The following GRM3 variants were observed in gnomAD, a reference collection of about 807,000 sequenced individuals.
GRM3 encodes the protein glutamate metabotropic receptor 3.
GRM3 carries 26 observed loss-of-function variants against 70.5 expected under a neutral mutation model. That is an observed-to-expected ratio of 0.37 (90% CI 0.27 to 0.51). GRM3 has a LOEUF of 0.51. Among genes scored for constraint, GRM3 ranks in the 20% least tolerant of loss-of-function variants. GRM3 has a pLI of 0.93. For missense variants in GRM3, 859 were observed against 1,123.8 expected (o/e 0.76, Z 3.37); for synonymous variants, 443 against 434.9 (o/e 1.02, Z -0.23).
chr7:86,815,615 G>A (rs17161018), intron 3 of GRM3, among the ~76,000 whole-genome samples: 11,658 of 151,774 alleles, frequency 0.077, 634 homozygotes, highest in Non-Finnish European at 0.12. Context: ...AAAGCACTTC[G>A]AAATTAGTCA....
At chr7:86,715,666 A>G (rs907592683) in intron 1 of GRM3, among the ~76,000 whole-genome samples, 2 of 152,102 alleles carry the variant, frequency 1.3e-5, no homozygotes, top group African/African-American at 4.8e-5. Context: ...TAGATAGTGG[A>G]CTCTAAAGAT....
In GRM3 at chr7:86,787,257, T is replaced by C. The variant is rs1584243792; in HGVS notation, c.1324+141T>C. On this transcript the variant is annotated intron_variant, in intron 3 of 5. Transcript: ENST00000361669. ...AAACTGTTAACCAAATATTCCAGGATGCAATAGGATGGTTCTCTAACATTC... is the reference window on the plus strand; with the variant it reads ...AAACTGTTAACCAAATATTCCAGGACGCAATAGGATGGTTCTCTAACATTC... 4 of 687,402 alleles carry C rather than the reference T, an allele frequency of 5.8e-6. No individual in the cohort carries two copies. In the East Asian group the frequency reaches 1.0e-4, roughly 18 times the overall value. 42.6% of individuals were successfully genotyped at this position (687,402 alleles called of 1,614,324 possible).
chr7:86,741,991 T>C (rs1796001494), intron 1 of GRM3, among the ~76,000 whole-genome samples: 1 of 152,198 alleles, frequency 6.6e-6, no homozygotes, highest in Non-Finnish European at 1.5e-5. Flanking sequence ...ATTAATTTTC[T>C]CATGAAGCTG....
rs1383756914 is a variant in GRM3 at position 86,646,006 on chromosome 7, T to TG, written c.-141+1143dup. Among the ~76,000 whole-genome samples, 32 of 10,640 alleles carry TG rather than the reference T, an allele frequency of 3.0e-3. No homozygotes were observed. In the East Asian group the frequency reaches 0.037, roughly 12 times the overall value. The allele number at this position is 10,640 out of a possible 152,430, so 7.0% of individuals were successfully genotyped here. A position where few individuals can be genotyped will look rare whatever the true frequency, so the allele number is the denominator to read the frequency against. On this transcript the variant is annotated intron_variant, in intron 1 of 5. Transcript: ENST00000361669. ...GGGCGGGGGGGTGGGGGTGGGGGGG[T>TG]GGGGGGGGGTGGGAGGGAGTTTAGG... is the stretch of plus-strand genomic sequence containing the variant.
intron 1 of GRM3, among the ~76,000 whole-genome samples, chr7:86,691,984 C>T (rs1174155841): frequency 1.3e-5 from 2 of 152,170 alleles, no homozygotes; most frequent in East Asian, 1.9e-4. Flanking sequence ...GTTATTTTCT[C>T]TATCTTTTCT....
intron 1 of GRM3, among the ~76,000 whole-genome samples, chr7:86,684,026 T>C (rs993501129): frequency 4.6e-5 from 7 of 152,166 alleles, no homozygotes; most frequent in Non-Finnish European, 8.8e-5. Context: ...GCATTCTTTT[T>C]ACTATTAGAT....
Position 86,839,880 on chromosome 7 carries a change from T to A in GRM3, c.2366T>A (p.Phe789Tyr), listed in dbSNP as rs768665928. ...ATCTGGTTGGCCTTCCTCCCTATATTTTATGTGACATCAAGTGACTACAGA... is the reference window on the plus strand; with the variant it reads ...ATCTGGTTGGCCTTCCTCCCTATATATTATGTGACATCAAGTGACTACAGA... The part of the protein sequence containing the change: ...CIIWLAFLPI[F>Y]YVTSSDYRVQ... Residue 789 changes from phenylalanine (F) to tyrosine (Y), a missense_variant, in exon 4 of 6, where the codon TTT becomes TAT. Physicochemically the swap from Phe to Tyr is conservative, Grantham distance 22. Coordinates refer to ENST00000361669, the MANE Select transcript of GRM3 (RefSeq NM_000840.3). The surrounding 1 kb of genome is among the most constrained non-coding windows in gnomAD (Gnocchi z 4.5). 1.3e-6 allele frequency: 2 copies of A among 1,594,642 alleles called. No individual in the cohort carries two copies. Among genetic ancestry groups the A allele is most frequent in the African/African-American group, 2.7e-5 (2 of 74,544 alleles).
rs544698001 is a variant in GRM3 at position 86,814,612 on chromosome 7, A to G, written c.1325-24227A>G. Among the ~76,000 whole-genome samples, 3 of 151,920 alleles carry G rather than the reference A, an allele frequency of 2.0e-5. No homozygotes were observed. In the East Asian group the frequency reaches 5.8e-4, roughly 29 times the overall value. Reference sequence around the variant, plus strand: ...GAGGCTTTCTTCACTTTTTCTTGGAATTTTATAGTGTCACTCTAACAAAGC... The same window carrying G: ...GAGGCTTTCTTCACTTTTTCTTGGAGTTTTATAGTGTCACTCTAACAAAGC... On this transcript the variant is annotated intron_variant, in intron 3 of 5. Transcript: ENST00000361669.
At chr7:86,644,897 T>C (rs1793418018) in intron 1 of GRM3, 25 bp downstream of exon 1, 1 of 1,239,818 alleles carries the variant, frequency 8.1e-7, no homozygotes. Flanking sequence ...GGAGGACGTG[T>C]CCCTCTGGAG....
intron 1 of GRM3, among the ~76,000 whole-genome samples, chr7:86,753,020 T>C (rs1197395389): frequency 6.6e-6 from 1 of 152,054 alleles, no homozygotes; most frequent in East Asian, 1.9e-4. Flanking sequence ...TTAGCACCCA[T>C]AAACACTAAA....
chr7:86,670,373 A>G (rs1794140477), intron 1 of GRM3, among the ~76,000 whole-genome samples: 1 of 152,134 alleles, frequency 6.6e-6, no homozygotes, highest in Admixed American at 6.6e-5. Flanking sequence ...TCTACCTCTA[A>G]TCATGTTCCC....
intron 3 of GRM3, among the ~76,000 whole-genome samples, chr7:86,799,769 T>A (rs1170180162): frequency 2.6e-5 from 4 of 152,202 alleles, no homozygotes; most frequent in African/African-American, 9.6e-5. Flanking sequence ...AACCTTGTGA[T>A]CTGCCTGCCT....
intron 1 of GRM3, among the ~76,000 whole-genome samples, chr7:86,702,382 C>T (rs1388974316): frequency 6.6e-6 from 1 of 151,998 alleles, no homozygotes; most frequent in African/African-American, 2.4e-5. Flanking sequence ...GTTCTTAAGC[C>T]AGGCTTTCCT....
intron 1 of GRM3, among the ~76,000 whole-genome samples, chr7:86,733,571 GTTTA>G (rs1403155673): frequency 1.3e-5 from 2 of 152,196 alleles, no homozygotes; most frequent in Non-Finnish European, 2.9e-5. Flanking sequence ...GAAGATAAGA[GTTTA>G]TTTGAGTCTT....
chr7:86,857,686 T>C (rs972788701), intron 5 of GRM3, among the ~76,000 whole-genome samples: 1 of 152,224 alleles, frequency 6.6e-6, no homozygotes, highest in Non-Finnish European at 1.5e-5. Context: ...CTAGGCATAG[T>C]AGCACATGCA....
At chr7:86,760,474 G>A (rs958427119) in intron 1 of GRM3, among the ~76,000 whole-genome samples, 2 of 152,156 alleles carry the variant, frequency 1.3e-5, no homozygotes, top group East Asian at 1.9e-4. Flanking sequence ...TTCTCCAGCT[G>A]CATATGAATG....
chr7:86,753,559 C>T (rs1796278753), intron 1 of GRM3, among the ~76,000 whole-genome samples: 1 of 152,052 alleles, frequency 6.6e-6, no homozygotes, highest in Admixed American at 6.6e-5. Flanking sequence ...ACATAAATGC[C>T]TTATATTCAT....
intron 3 of GRM3, among the ~76,000 whole-genome samples, chr7:86,821,147 C>A (rs188225219): frequency 1.4e-3 from 217 of 149,866 alleles, no homozygotes; most frequent in African/African-American, 5.4e-3. Flanking sequence ...AGATAATGTG[C>A]TCCATGGAAA....
intron 1 of GRM3, among the ~76,000 whole-genome samples, chr7:86,651,178 A>G (rs1381206768): frequency 6.6e-6 from 1 of 152,202 alleles, no homozygotes; most frequent in East Asian, 1.9e-4. Context: ...TCTTAATTGC[A>G]TGAGCTTATA....
Sources: gnomAD v4.1 joint callset for allele counts (sites outside exome capture counted in the v4.1 genomes callset) on GRCh38, gnomAD v4.1.1 for gene constraint, Gnocchi (gnomAD v3.1) non-coding constraint, MANE v1.5 for transcripts, NCBI Gene and HGNC (gene_info 2026-07-23, HGNC 2026-07-21) for gene names.